SLCO1A2: variants seen among roughly 807,000 people sequenced by gnomAD.
The protein encoded by SLCO1A2 is solute carrier organic anion transporter family member 1A2.
SLCO1A2 carries 67 observed loss-of-function variants against 69.0 expected under a neutral mutation model. The ratio of observed to expected loss-of-function variants is 0.97; its 90% confidence interval spans 0.80 to 1.19. The LOEUF is 1.19. Among genes scored for constraint, SLCO1A2 ranks in the 50% most tolerant of loss-of-function variants. SLCO1A2 has a pLI of 0.00. For missense variants in SLCO1A2, 787 were observed against 793.7 expected (o/e 0.99, Z 0.10); for synonymous variants, 260 against 265.9 (o/e 0.98, Z 0.22).
At chr12:21,408,650 G>T (rs1272474309) in intron 1 of SLCO1A2, among the ~76,000 whole-genome samples, 3 of 151,890 alleles carry the variant, frequency 2.0e-5, no homozygotes, top group South Asian at 4.1e-4. Context: ...GCAAGTAAAA[G>T]TTCTAGGCAA....
At chr12:21,271,451 C>T (rs565225782) in intron 14 of SLCO1A2, among the ~76,000 whole-genome samples, 29 of 143,924 alleles carry the variant, frequency 2.0e-4, no homozygotes, top group African/African-American at 6.6e-4. Context: ...TTCAATTATT[C>T]TTATTTGAGA....
rs1953041982 is a variant in SLCO1A2 at position 21,340,767 on chromosome 12, A to T, written c.-62-6058T>A. On this transcript the variant is annotated intron_variant, in intron 2 of 15. Transcript: ENST00000307378. Reference sequence around the variant, plus strand: ...ACTTGTCTGTCTCGGGTTTAAAATGATTTACAATTAAGATGGAGAAAGAAA... The same window carrying T: ...ACTTGTCTGTCTCGGGTTTAAAATGTTTTACAATTAAGATGGAGAAAGAAA... Among the ~76,000 whole-genome samples, 2 of 151,888 alleles carry T rather than the reference A, an allele frequency of 1.3e-5. 1 individual carries two copies. Among genetic ancestry groups the T allele is most frequent in the East Asian group, 3.9e-4 (2 of 5,162 alleles).
chr12:21,309,208 G>T (rs1479094926), intron 4 of SLCO1A2, among the ~76,000 whole-genome samples: 1 of 152,032 alleles, frequency 6.6e-6, no homozygotes, highest in East Asian at 1.9e-4. Flanking sequence ...AAAAACATAA[G>T]GTTAATACAG....
Position 21,410,144 on chromosome 12 carries a change from C to T in SLCO1A2, c.-312+7738G>A, listed in dbSNP as rs142953724. 9.3e-3 allele frequency among the ~76,000 whole-genome samples: 1,416 copies of T among 152,256 alleles called. 26 individuals carry two copies. Among genetic ancestry groups the T allele is most frequent in the Non-Finnish European group, 0.014 (944 of 68,000 alleles). ...CCAAATCTAAGAGTCTGGCTTCCCC[C>T]ACTAACCCACCACCTATCTCCTCCA... On this transcript the variant is annotated intron_variant, in intron 1 of 4. Transcript: ENST00000413682.
chr12:21,326,493 A>G (rs1480398786), intron 2 of SLCO1A2, among the ~76,000 whole-genome samples: 1 of 152,190 alleles, frequency 6.6e-6, no homozygotes, highest in Non-Finnish European at 1.5e-5. Context: ...GATGTGGGAA[A>G]GTTTGAAACT....
chr12:21,396,093 C>T (rs1941444848), upstream of SLCO1A2, among the ~76,000 whole-genome samples: 1 of 151,642 alleles, frequency 6.6e-6, no homozygotes, highest in Non-Finnish European at 1.5e-5. Flanking sequence ...GGAGGACATT[C>T]AAACCAAAGG....
Position 21,292,352 on chromosome 12 carries a change from ATAT to A in SLCO1A2, c.1438-19_1438-17del. The A allele has an allele frequency of 1.3e-6, 2 of 1,597,392 alleles. No individual in the cohort carries two copies. Among genetic ancestry groups the A allele is most frequent in the Non-Finnish European group, 1.7e-6 (2 of 1,170,828 alleles). ...TTTGGAACACCTGCCAAAAAATAACATATTATACTAAGAAGTAAAAATCTTGAA... is the reference window on the plus strand; with the variant it reads ...TTTGGAACACCTGCCAAAAAATAACATATACTAAGAAGTAAAAATCTTGAA... On this transcript the variant is annotated splice_polypyrimidine_tract_variant and intron_variant, in intron 11 of 14. Transcript: ENST00000683939.
chr12:21,365,843 A>G (rs1939332982), intron 2 of SLCO1A2, among the ~76,000 whole-genome samples: 1 of 152,246 alleles, frequency 6.6e-6, no homozygotes, highest in Non-Finnish European at 1.5e-5. Context: ...TCAAAACCAC[A>G]ATGAGATACC....
chr12:21,396,708 G>A (rs532217739), upstream of SLCO1A2, among the ~76,000 whole-genome samples: 1 of 151,998 alleles, frequency 6.6e-6, no homozygotes, highest in East Asian at 1.9e-4. Flanking sequence ...AGAGAGTGGG[G>A]GCTAATATTC....
At chr12:21,398,860 T>A (rs1403588606), upstream of SLCO1A2, among the ~76,000 whole-genome samples, 1 of 148,572 alleles carries the variant, frequency 6.7e-6, no homozygotes, top group African/African-American at 2.5e-5. Flanking sequence ...AATTAGGTAT[T>A]GATGGGATGT....
In SLCO1A2 at chr12:21,268,011, A is replaced by C. The variant is rs1942256232; in HGVS notation, c.*1537T>G. On this transcript the variant is annotated 3_prime_UTR_variant, in exon 15 of 15. Transcript: ENST00000683939. ...TATATGCCCAGAGTTGAAGTCTCAA[A>C]CTTCATGAAACTGAAACTTAACTTT... 6.6e-6 allele frequency: 1 copy of C among 152,068 alleles called. No homozygotes were observed. The highest frequency in any genetic ancestry group is 2.1e-4 in the South Asian group (1 of 4,826). 9.4% of individuals were successfully genotyped at this position (152,068 alleles called of 1,614,324 possible).
intron 2 of SLCO1A2, among the ~76,000 whole-genome samples, chr12:21,352,219 A>T (rs1025965524): frequency 5.3e-5 from 8 of 152,108 alleles, no homozygotes; most frequent in African/African-American, 1.9e-4. Context: ...CATCCCCTAA[A>T]CTGAACTGAT....
At chr12:21,364,028 T>G (rs1231186103) in intron 2 of SLCO1A2, among the ~76,000 whole-genome samples, 2 of 152,048 alleles carry the variant, frequency 1.3e-5, no homozygotes, top group Non-Finnish European at 2.9e-5. Context: ...AAAGAGGGAA[T>G]CCTCCCTCAG....
At chr12:21,317,452 G>A (rs1003454661) in intron 3 of SLCO1A2, among the ~76,000 whole-genome samples, 5 of 152,040 alleles carry the variant, frequency 3.3e-5, no homozygotes, top group Admixed American at 1.3e-4. Flanking sequence ...GCTATCCTCC[G>A]AGAGTCTGGC....
At chr12:21,379,686 A>T (rs1441837341) in intron 1 of SLCO1A2, 28 of 152,202 alleles carry the variant, frequency 1.8e-4, no homozygotes. Context: ...ATTAATTCAG[A>T]TAAACTGCCA....
At chr12:21,304,365 A>C (rs1036123188) in intron 6 of SLCO1A2, 62 bp downstream of exon 6, 1 of 1,330,676 alleles carries the variant, frequency 7.5e-7, no homozygotes, top group Admixed American at 1.9e-5. Context: ...AAATATAACT[A>C]ATTTCTAACC....
At chr12:21,346,517 T>A (rs149695997) in intron 2 of SLCO1A2, among the ~76,000 whole-genome samples, 16 of 151,928 alleles carry the variant, frequency 1.1e-4, no homozygotes, top group African/African-American at 3.4e-4. Flanking sequence ...AGAAGATATG[T>A]TAGCAAAAAA....
rs141978350 is a variant in SLCO1A2 at position 21,291,818 on chromosome 12, T to C, written c.1610+346A>G. Among the ~76,000 whole-genome samples, 781 of 152,196 alleles carry C rather than the reference T, an allele frequency of 5.1e-3. 3 individuals are homozygous for C. The highest frequency in any genetic ancestry group is 8.6e-3 in the Non-Finnish European group (582 of 68,012). ...GTCCTATAGGTTGAACCCTAGGAAA[T>C]GGCTGCTAGGCACCCACTCTTTACC... is the stretch of plus-strand genomic sequence containing the variant. On this transcript the variant is annotated intron_variant, in intron 12 of 14. Transcript: ENST00000683939.
At chr12:21,366,987 T>C (rs758814493) in intron 2 of SLCO1A2, among the ~76,000 whole-genome samples, 27 of 152,044 alleles carry the variant, frequency 1.8e-4, no homozygotes, top group Non-Finnish European at 3.4e-4. Context: ...CAAATTTATA[T>C]ATTAAAAGAT....
Sources: allele counts gnomAD v4.1 joint callset (sites outside exome capture counted in the v4.1 genomes callset), GRCh38; gene constraint gnomAD v4.1.1; transcripts MANE v1.5; gene names NCBI Gene and HGNC (gene_info 2026-07-23, HGNC 2026-07-21).